Variants in PRAP1 observed in about 807,000 individuals in gnomAD.
The protein encoded by PRAP1 is proline rich acidic protein 1.
In PRAP1, 12 loss-of-function variants were observed where a neutral mutation model predicts 14.6. The ratio of observed to expected loss-of-function variants is 0.82; its 90% CI spans 0.53 to 1.33. The LOEUF (loss-of-function observed/expected upper bound fraction) is 1.33, where lower values mean the gene tolerates loss of function less well. Among genes scored for constraint, PRAP1 ranks in the 40% most tolerant of loss-of-function variants. The probability of loss-of-function intolerance (pLI) is 0.00; values close to 1 mark genes in which losing one functional copy is unlikely to be tolerated. For synonymous variants in PRAP1, 81 were observed against 80.3 expected, an observed-to-expected ratio of 1.01 and a Z score of -0.04; for missense variants, 160 against 193.7, an observed-to-expected ratio of 0.83 and a Z score of 1.03.
In PRAP1 at chr10:133,347,522, G is replaced by T; in HGVS notation, c.8+97G>T. ...GGCCCAGCTGTGCTGCGCTCCAGGG[G>T]GCCTGGTTCAGGGGAGTGTGCGGGT... is the stretch of plus-strand genomic sequence containing the variant. On this transcript the variant is annotated intron_variant, in intron 1 of 4. Coordinates refer to ENST00000433452, the MANE Select transcript of PRAP1 (RefSeq NM_145202.5). This position sits in a 1 kb window ranked among gnomAD's most constrained non-coding sequence, Gnocchi z 5.0. 3.1e-6 allele frequency: 4 copies of T among 1,292,906 alleles called. No individual in the cohort carries two copies. Among genetic ancestry groups the T allele is most frequent in the Non-Finnish European group, 4.3e-6 (4 of 934,462 alleles). The allele number at this position is 1,292,906 out of a possible 1,614,324, so 80.1% of individuals were successfully genotyped here. A position where few individuals can be genotyped will look rare whatever the true frequency, so the allele number is the denominator to read the frequency against.
rs912609690 is a variant in PRAP1 at position 133,349,044 on chromosome 10, C to T, written c.9-1051C>T. On this transcript the variant is annotated intron_variant, in intron 1 of 4. Coordinates refer to ENST00000433452, the MANE Select transcript of PRAP1 (RefSeq NM_145202.5). ...CCCAAGACCACCCCACCCTGACAGA[C>T]GCAAGCCTCCCCCGCAGGGCCCTGA... Among the ~76,000 whole-genome samples the T allele has an allele frequency of 6.0e-4, 85 of 141,492 alleles. 1 individual carries two copies. The Middle Eastern group carries it at 0.011, about 18-fold the overall frequency. 92.8% of individuals were successfully genotyped at this position (141,492 alleles called of 152,430 possible). A position where few individuals can be genotyped will look rare whatever the true frequency, so the allele number is the denominator to read the frequency against.
intron 4 of PRAP1, 53 bp downstream of exon 4, chr10:133,352,193 A>T (rs570648129): frequency 1.1e-5 from 17 of 1,611,104 alleles, no homozygotes; most frequent in Non-Finnish European, 1.4e-5. Flanking sequence ...ACTTGGACAG[A>T]CCAAGGGTCT....
Position 133,352,017 on chromosome 10 carries a change from G to A in PRAP1, c.139G>A (p.Ala47Thr), listed in dbSNP as rs112404351. 9.3e-6 allele frequency: 15 copies of A among 1,612,620 alleles called. 1 individual carries two copies. In the African/African-American group the frequency reaches 1.2e-4, roughly 13 times the overall value. ...AAACTGTGCCAGCAGGGCCTGGGGC[G>A]CCCGTGTGGTGGAGCCTCCGGAGAA... ...SEQDPEKAWG[A>T]RVVEPPEKDD... Residue 47 changes from alanine (A) to threonine (T), a missense_variant, in exon 4 of 5, where the codon GCC becomes ACC. Transcript: ENST00000433452.
Position 133,352,064 on chromosome 10 carries a change from G to C in PRAP1, c.186G>C (p.Leu62=). 6.2e-7 allele frequency: 1 copy of C among 1,613,064 alleles called. No individual in the cohort carries two copies. Among genetic ancestry groups the C allele is most frequent in the East Asian group, 2.2e-5 (1 of 44,872 alleles). Residue 62 remains leucine, a synonymous_variant, in exon 4 of 5, where the codon CTG becomes CTC. Transcript: ENST00000433452. ...AGAAGGACGACCAGCTGGTGGTGCTGTTCCCTGTCCAGAAGCCGAAACTCT... is the reference window on the plus strand; with the variant it reads ...AGAAGGACGACCAGCTGGTGGTGCTCTTCCCTGTCCAGAAGCCGAAACTCT... ...PPEKDDQLVV[L]FPVQKPKLLT... is the part of the protein sequence containing the mutation.
intron 1 of PRAP1, among the ~76,000 whole-genome samples, chr10:133,349,583 G>T (rs1415531441): frequency 6.6e-6 from 1 of 152,190 alleles, no homozygotes; most frequent in Non-Finnish European, 1.5e-5. Context: ...GCCTAATAGT[G>T]CTGCCATTCA....
At chr10:133,348,302 A>AACCAG (rs1476271638) in intron 1 of PRAP1, among the ~76,000 whole-genome samples, 2 of 152,124 alleles carry the variant, frequency 1.3e-5, no homozygotes, top group Non-Finnish European at 2.9e-5. Flanking sequence ...AGGGCCCCCG[A>AACCAG]ACCAGACCAG....
Position 133,352,478 on chromosome 10 carries a change from G to C in PRAP1, c.*38G>C. 6.3e-7 allele frequency: 1 copy of C among 1,576,078 alleles called. No individual in the cohort carries two copies. The highest frequency in any genetic ancestry group is 8.7e-7 in the Non-Finnish European group (1 of 1,152,106). ...CATCACTGCCCCCGCCCTGTCCCAAGGCCCAGGCTGTTGGGACTGGGACCC... is the reference window on the plus strand; with the variant it reads ...CATCACTGCCCCCGCCCTGTCCCAACGCCCAGGCTGTTGGGACTGGGACCC... On this transcript the variant is annotated 3_prime_UTR_variant, in exon 5 of 5. Coordinates refer to ENST00000433452, the MANE Select transcript of PRAP1 (RefSeq NM_145202.5).
rs79130099 is a variant in PRAP1 at position 133,351,295 on chromosome 10, C to T, written c.76-86C>T. 0.055 allele frequency: 56,396 copies of T among 1,027,900 alleles called. 2,847 individuals carry two copies. Among genetic ancestry groups the T allele is most frequent in the African/African-American group, 0.23 (14,242 of 62,746 alleles). 63.7% of individuals were successfully genotyped at this position (1,027,900 alleles called of 1,614,324 possible). The stretch of plus-strand genomic sequence containing the variant: ...GCAGCCACCTCCACCCCATGCAGCC[C>T]CAGGTGGGCCTCGGAGCAACCTCTC... On this transcript the variant is annotated intron_variant, in intron 2 of 4. Coordinates refer to ENST00000433452, the MANE Select transcript of PRAP1 (RefSeq NM_145202.5). This position sits in a 1 kb window ranked among gnomAD's most constrained non-coding sequence, Gnocchi z 4.3.
At chr10:133,349,462 CAT>C (rs1427753651) in intron 1 of PRAP1, among the ~76,000 whole-genome samples, 2 of 152,158 alleles carry the variant, frequency 1.3e-5, no homozygotes, top group African/African-American at 2.4e-5. Context: ...CCACCATGCA[CAT>C]GGTCCACACC....
chr10:133,352,025 G>T lies in PRAP1; in HGVS notation c.147G>T (p.Val49=). 1 of 1,612,858 alleles carries T rather than the reference G, an allele frequency of 6.2e-7. No homozygotes were observed. The highest frequency in any genetic ancestry group is 8.5e-7 in the Non-Finnish European group (1 of 1,179,974). The change falls in exon 4 of 5, where the codon GTG becomes GTT. Residue 49 remains valine, a synonymous_variant. Transcript: ENST00000433452. ...QDPEKAWGAR[V]VEPPEKDDQL... is the part of the protein sequence containing the mutation. ...CCAGCAGGGCCTGGGGCGCCCGTGT[G>T]GTGGAGCCTCCGGAGAAGGACGACC...
rs1024263752 is a variant in PRAP1, at chr10:133,351,664, C to T, written c.128+231C>T. Among the ~76,000 whole-genome samples, 7 of 152,232 alleles carry T rather than the reference C, an allele frequency of 4.6e-5. No individual in the cohort carries two copies. The highest frequency in any genetic ancestry group is 1.7e-4 in the African/African-American group (7 of 41,450). The stretch of plus-strand genomic sequence containing the variant: ...TGGGGCTCCACGGTGTCTCCCTACT[C>T]AGCTTCCCCACAGCCTCCAGGGCAG... On this transcript the variant is annotated intron_variant, in intron 3 of 4. Coordinates refer to ENST00000433452, the MANE Select transcript of PRAP1 (RefSeq NM_145202.5). The surrounding 1 kb of genome is among the most constrained non-coding windows in gnomAD (Gnocchi z 4.3).
At chr10:133,349,925 C>T (rs2133402938) in intron 1 of PRAP1, among the ~76,000 whole-genome samples, 170 bp from the exon 2 acceptor site, 1 of 152,326 alleles carries the variant, frequency 6.6e-6, no homozygotes, top group Middle Eastern at 3.4e-3. Context: ...GGGGCTTCTC[C>T]CTGTTCTGTG....
Position 133,349,422 on chromosome 10 carries a change from CACG to C in PRAP1, c.9-670_9-668del, listed in dbSNP as rs987328931. On this transcript the variant is annotated intron_variant, in intron 1 of 4. Coordinates refer to ENST00000433452, the MANE Select transcript of PRAP1 (RefSeq NM_145202.5). ...AGCACACAGTGCACACACACCCGAA[CACG>C]ACACCACCCACAGCATACATGCACA... is the stretch of plus-strand genomic sequence containing the variant. Among the ~76,000 whole-genome samples, 12 of 152,230 alleles carry C rather than the reference CACG, an allele frequency of 7.9e-5. No individual in the cohort carries two copies. In the South Asian group the frequency reaches 1.7e-3, roughly 21 times the overall value.
chr10:133,351,451 CA>C lies in PRAP1; in HGVS notation c.128+19del. On this transcript the variant is annotated intron_variant, in intron 3 of 4. Transcript: ENST00000433452. The surrounding 1 kb of genome is among the most constrained non-coding windows in gnomAD (Gnocchi z 4.3). ...CCAGAGAAGTAAGTCCCCCCAACCC[CA>C]CCTCCCCACCACCCATTCCCTGAAG... 6.3e-7 allele frequency: 1 copy of C among 1,575,046 alleles called. No homozygotes were observed. The highest frequency in any genetic ancestry group is 1.3e-5 in the African/African-American group (1 of 74,326).
At position 133,351,352 on chromosome 10, in the gene PRAP1, C is replaced by T; in HGVS notation, c.76-29C>T. On this transcript the variant is annotated intron_variant, in intron 2 of 4. Transcript: ENST00000433452. The surrounding 1 kb of genome is among the most constrained non-coding windows in gnomAD (Gnocchi z 4.3). ...TGTCCTCCACCCGCGTGGACTGTGG[C>T]CCAGCCCACACCTGTGACTCTCCCC... 1 of 1,600,728 alleles carries T rather than the reference C, an allele frequency of 6.2e-7. No homozygotes were observed. Among genetic ancestry groups the T allele is most frequent in the Non-Finnish European group, 8.5e-7 (1 of 1,171,418 alleles).
chr10:133,347,667 A>C lies in PRAP1; in HGVS notation c.8+242A>C, dbSNP rs1243740458. Among the ~76,000 whole-genome samples, 6 of 142,160 alleles carry C rather than the reference A, an allele frequency of 4.2e-5. No homozygotes were observed. The East Asian group carries it at 1.3e-3, about 31-fold the overall frequency. 93.3% of individuals were successfully genotyped at this position (142,160 alleles called of 152,430 possible). A position where few individuals can be genotyped will look rare whatever the true frequency, so the allele number is the denominator to read the frequency against. On this transcript the variant is annotated intron_variant, in intron 1 of 4. Coordinates refer to ENST00000433452, the MANE Select transcript of PRAP1 (RefSeq NM_145202.5). This position sits in a 1 kb window ranked among gnomAD's most constrained non-coding sequence, Gnocchi z 5.0. Reference sequence around the variant, plus strand: ...TGGCCTGGTGGAGAATCACCCAGGGACCCCCACCCGGAACAAGGAAAGGGG... The same window carrying C: ...TGGCCTGGTGGAGAATCACCCAGGGCCCCCCACCCGGAACAAGGAAAGGGG...
rs756212508 is a variant in PRAP1, at chr10:133,352,097, C to T, written c.219C>T (p.Thr73=). Residue 73 remains threonine, a synonymous_variant, in exon 4 of 5, where the codon ACC becomes ACT. Transcript: ENST00000433452. The stretch of plus-strand genomic sequence containing the variant: ...TCCAGAAGCCGAAACTCTTGACCAC[C>T]GAGGAGAAGCCACGAGGTCAGGGCA... ...FPVQKPKLLT[T]EEKPRGQGRG... The T allele has an allele frequency of 1.4e-5, 23 of 1,612,960 alleles. No homozygotes were observed. Among genetic ancestry groups the T allele is most frequent in the Admixed American group, 5.0e-5 (3 of 60,000 alleles).
Position 133,347,662 on chromosome 10 carries a change from C to T in PRAP1, c.8+237C>T, listed in dbSNP as rs1256186645. Reference sequence around the variant, plus strand: ...TCCCCTGGCCTGGTGGAGAATCACCCAGGGACCCCCACCCGGAACAAGGAA... The same window carrying T: ...TCCCCTGGCCTGGTGGAGAATCACCTAGGGACCCCCACCCGGAACAAGGAA... On this transcript the variant is annotated intron_variant, in intron 1 of 4. Coordinates refer to ENST00000433452, the MANE Select transcript of PRAP1 (RefSeq NM_145202.5). This position sits in a 1 kb window ranked among gnomAD's most constrained non-coding sequence, Gnocchi z 5.0. Among the ~76,000 whole-genome samples the T allele has an allele frequency of 6.6e-6, 1 of 151,926 alleles. No homozygotes were observed. Among genetic ancestry groups the T allele is most frequent in the Non-Finnish European group, 1.5e-5 (1 of 67,982 alleles).
Position 133,351,118 on chromosome 10 carries a change from T to C in PRAP1, c.76-263T>C, listed in dbSNP as rs1419257016. ...GGTGCCAGGTTACATCCCAGTCCTGTGCTGCCCCAGACCCGGCCAGAATTC... is the reference window on the plus strand; with the variant it reads ...GGTGCCAGGTTACATCCCAGTCCTGCGCTGCCCCAGACCCGGCCAGAATTC... On this transcript the variant is annotated intron_variant, in intron 2 of 4. Transcript: ENST00000433452. This position sits in a 1 kb window ranked among gnomAD's most constrained non-coding sequence, Gnocchi z 4.3. 6.6e-6 allele frequency among the ~76,000 whole-genome samples: 1 copy of C among 152,192 alleles called. No individual in the cohort carries two copies. The highest frequency in any genetic ancestry group is 1.5e-5 in the Non-Finnish European group (1 of 68,032).
Sources: gnomAD v4.1 joint callset for allele counts (sites outside exome capture counted in the v4.1 genomes callset) on GRCh38, gnomAD v4.1.1 for gene constraint, Gnocchi (gnomAD v3.1) non-coding constraint, MANE v1.5 for transcripts, NCBI Gene and HGNC (gene_info 2026-07-23, HGNC 2026-07-21) for gene names.